TBC1D22A: variants seen among roughly 807,000 people sequenced by gnomAD.
The protein encoded by TBC1D22A is putative GTPase activator.
In TBC1D22A, 38 loss-of-function variants were observed where a neutral mutation model predicts 60.2. That is an observed-to-expected ratio of 0.63 (90% CI 0.49 to 0.83). The LOEUF (loss-of-function observed/expected upper bound fraction) is 0.83. Among genes scored for constraint, TBC1D22A ranks in the 40% least tolerant of loss-of-function variants. TBC1D22A has a pLI of 0.00. For missense variants in TBC1D22A, 628 were observed against 701.0 expected (o/e 0.90, Z 1.18); for synonymous variants, 302 against 281.7 (o/e 1.07, Z -0.72).
intron 10 of TBC1D22A, among the ~76,000 whole-genome samples, chr22:47,013,523 A>G (rs1372365670): frequency 6.6e-6 from 1 of 152,204 alleles, no homozygotes; most frequent in African/African-American, 2.4e-5. Flanking sequence ...GTTGCTGATC[A>G]TGGTTACAAG....
intron 4 of TBC1D22A, among the ~76,000 whole-genome samples, chr22:46,850,356 A>C (rs1158842842): frequency 6.6e-6 from 1 of 152,190 alleles, no homozygotes; most frequent in Non-Finnish European, 1.5e-5. Context: ...GCATGTGTGC[A>C]TTAGAAATTC....
chr22:46,797,784 C>T (rs1337630148), intron 4 of TBC1D22A, among the ~76,000 whole-genome samples, 164 bp downstream of exon 4: 1 of 152,234 alleles, frequency 6.6e-6, no homozygotes, highest in Admixed American at 6.5e-5. Flanking sequence ...TCAAGTCAGT[C>T]ACTAAGGTAG....
intron 11 of TBC1D22A, among the ~76,000 whole-genome samples, chr22:47,060,995 A>G (rs1173870512): frequency 6.6e-6 from 1 of 152,212 alleles, no homozygotes; most frequent in African/African-American, 2.4e-5. Context: ...GGATCATTCA[A>G]GGTAACCACC....
chr22:46,923,017 G>A (rs2070844904), intron 8 of TBC1D22A, among the ~76,000 whole-genome samples: 1 of 152,136 alleles, frequency 6.6e-6, no homozygotes. Context: ...CAAGGGGAGT[G>A]CTTCCAGCTT....
intron 11 of TBC1D22A, among the ~76,000 whole-genome samples, chr22:47,052,602 T>C (rs938270574): frequency 3.9e-5 from 6 of 152,148 alleles, no homozygotes; most frequent in Admixed American, 2.0e-4. Context: ...GCACCAAGCT[T>C]CTCCGGGGAT....
chr22:47,062,102 A>G (rs1329456634), intron 11 of TBC1D22A, among the ~76,000 whole-genome samples: 37 of 151,328 alleles, frequency 2.4e-4, no homozygotes, highest in Non-Finnish European at 1.5e-5. Context: ...AAAAAAAAAA[A>G]AAAAAAGACA....
intron 5 of TBC1D22A, among the ~76,000 whole-genome samples, chr22:46,879,697 T>C (rs967110857): frequency 4.6e-5 from 7 of 152,372 alleles, no homozygotes; most frequent in African/African-American, 1.7e-4. Context: ...ATATCCAGTT[T>C]TCTAAATGTC....
At chr22:47,169,344 C>A (rs2068340985) in intron 12 of TBC1D22A, among the ~76,000 whole-genome samples, 1 of 152,172 alleles carries the variant, frequency 6.6e-6, no homozygotes, top group African/African-American at 2.4e-5. Flanking sequence ...GTGTCTAGGG[C>A]ACACCCAAGT....
chr22:47,139,466 CG>C (rs2066999472), intron 12 of TBC1D22A, among the ~76,000 whole-genome samples: 1 of 152,176 alleles, frequency 6.6e-6, no homozygotes, highest in Non-Finnish European at 1.5e-5. Flanking sequence ...AGGGGCTGGT[CG>C]GGGCGGCCTC....
chr22:47,015,513 A>G (rs564489095), intron 10 of TBC1D22A, among the ~76,000 whole-genome samples: 1 of 152,292 alleles, frequency 6.6e-6, no homozygotes, highest in Non-Finnish European at 1.5e-5. Context: ...TTTCTACTTG[A>G]TCTTGCTCTA....
intron 7 of TBC1D22A, among the ~76,000 whole-genome samples, chr22:46,901,842 G>A (rs1042495694): frequency 1.3e-5 from 2 of 152,128 alleles, no homozygotes. Context: ...TCTCTATTTT[G>A]CTCCTCTCCC....
chr22:47,052,083 C>T (rs1256565344), intron 11 of TBC1D22A, among the ~76,000 whole-genome samples: 2 of 152,134 alleles, frequency 1.3e-5, no homozygotes, highest in Non-Finnish European at 2.9e-5. Context: ...GCCTCCTGCC[C>T]CCAGCAAGGT....
intron 11 of TBC1D22A, among the ~76,000 whole-genome samples, chr22:47,097,141 A>G (rs1328643372): frequency 6.6e-6 from 1 of 152,140 alleles, no homozygotes; most frequent in East Asian, 1.9e-4. Context: ...TCCGGGGCCT[A>G]GGCCACGTGG....
intron 11 of TBC1D22A, among the ~76,000 whole-genome samples, chr22:47,089,242 T>C (rs1402630675): frequency 6.6e-6 from 1 of 152,210 alleles, no homozygotes; most frequent in Non-Finnish European, 1.5e-5. Flanking sequence ...TTTGATGTAA[T>C]AATAGGCTTG....
At chr22:47,144,571 G>A (rs1213588584) in intron 12 of TBC1D22A, among the ~76,000 whole-genome samples, 2 of 152,224 alleles carry the variant, frequency 1.3e-5, no homozygotes, top group South Asian at 2.1e-4. Context: ...GCACATACGC[G>A]CATGCACTTA....
At chr22:46,778,619 C>T (rs1397817012) in intron 1 of TBC1D22A, among the ~76,000 whole-genome samples, 3 of 152,168 alleles carry the variant, frequency 2.0e-5, no homozygotes, top group African/African-American at 7.2e-5. Context: ...TCATCATCTT[C>T]CATGATAACA....
chr22:47,005,662 A>T (rs1311246311), intron 10 of TBC1D22A, among the ~76,000 whole-genome samples: 1 of 151,270 alleles, frequency 6.6e-6, no homozygotes, highest in East Asian at 1.9e-4. Context: ...ACCCACACAC[A>T]CACCCATATA....
At chr22:46,907,548 T>A (rs2069576484) in intron 7 of TBC1D22A, among the ~76,000 whole-genome samples, 1 of 152,180 alleles carries the variant, frequency 6.6e-6, no homozygotes, top group African/African-American at 2.4e-5. Flanking sequence ...AGGGGAGGGC[T>A]CACATGCAGG....
chr22:47,110,689 A>G (rs902648587), intron 11 of TBC1D22A, among the ~76,000 whole-genome samples: 13 of 152,288 alleles, frequency 8.5e-5, no homozygotes, highest in Admixed American at 6.5e-5. Context: ...TTAATGAACC[A>G]CTGACAGTAG....
Sources: gnomAD v4.1 joint callset for allele counts (sites outside exome capture counted in the v4.1 genomes callset) on GRCh38, gnomAD v4.1.1 for gene constraint, MANE v1.5 for transcripts, NCBI Gene and HGNC (gene_info 2026-07-23, HGNC 2026-07-21) for gene names.